The following TMEM178B variants were observed in gnomAD, a reference collection of about 807,000 sequenced individuals.
The protein encoded by TMEM178B is transmembrane protein 178B.
Under a neutral mutation model 31.0 loss-of-function variants are expected in TMEM178B, and 5 were observed. That is an observed-to-expected ratio of 0.16 (90% CI 0.08 to 0.34). TMEM178B has a LOEUF of 0.34. Ranked by LOEUF, TMEM178B falls within the 10% of genes least tolerant of loss-of-function variation. The pLI, the probability that TMEM178B is intolerant of heterozygous loss-of-function variation, is 1.00. For missense variants in TMEM178B, 275 were observed against 400.3 expected (o/e 0.69, Z 2.67); for synonymous variants, 164 against 164.0 (o/e 1.00, Z 0.00).
At chr7:141,308,948 G>A (rs1281716773) in intron 2 of TMEM178B, among the ~76,000 whole-genome samples, 1 of 152,158 alleles carries the variant, frequency 6.6e-6, no homozygotes, top group Admixed American at 6.5e-5. Context: ...AAGCCATGCT[G>A]ATTACTGAGT....
chr7:141,402,509 T>A lies in TMEM178B; in HGVS notation c.497-35099T>A, dbSNP rs186297549. 7.2e-5 allele frequency among the ~76,000 whole-genome samples: 11 copies of A among 152,318 alleles called. No individual in the cohort carries two copies. In the East Asian group the frequency reaches 1.9e-3, roughly 27 times the overall value. On this transcript the variant is annotated intron_variant, in intron 2 of 3. Coordinates refer to ENST00000565468, the MANE Select transcript of TMEM178B (RefSeq NM_001195278.2). ...GCTGTCTCTGGCTGTGCAGCTGGTA[T>A]ACCTCAGCGTGCCAAGCCACCAGCA...
intron 1 of TMEM178B, among the ~76,000 whole-genome samples, chr7:141,106,845 C>T (rs542616880): frequency 9.5e-4 from 144 of 152,344 alleles, no homozygotes; most frequent in African/African-American, 3.3e-3. Flanking sequence ...GTGCCAGGCA[C>T]TGTTCTAGGC....
chr7:141,257,041 C>T (rs117604307), intron 2 of TMEM178B, among the ~76,000 whole-genome samples: 1,646 of 151,962 alleles, frequency 0.011, 14 homozygotes, highest in Non-Finnish European at 0.016. Flanking sequence ...TGAGAGCAGC[C>T]CAACAACTCG....
At chr7:141,360,627 C>T (rs1179546797) in intron 2 of TMEM178B, among the ~76,000 whole-genome samples, 1 of 152,194 alleles carries the variant, frequency 6.6e-6, no homozygotes. Context: ...TGTTTCTTTG[C>T]CCTCACTAAC....
At chr7:141,432,302 C>T (rs1483377375) in intron 2 of TMEM178B, among the ~76,000 whole-genome samples, 1 of 152,034 alleles carries the variant, frequency 6.6e-6, no homozygotes, top group African/African-American at 2.4e-5. Context: ...ATTACCGGGG[C>T]ATGCCACCAT....
At chr7:141,115,735 T>C (rs572464724) in intron 1 of TMEM178B, among the ~76,000 whole-genome samples, 2 of 152,326 alleles carry the variant, frequency 1.3e-5, no homozygotes, top group South Asian at 4.1e-4. Context: ...AAGAGTGACC[T>C]TTCCAAGGGC....
At chr7:141,508,672 G>A in the TMEM178B span, among the ~76,000 whole-genome samples, 45 of 151,154 alleles carry the variant, frequency 3.0e-4, no homozygotes, top group Non-Finnish European at 6.0e-4. Flanking sequence ...CTTCTTACAT[G>A]GTGGCAGCAA....
chr7:141,136,492 A>G (rs1586789341), intron 1 of TMEM178B, among the ~76,000 whole-genome samples: 1 of 152,242 alleles, frequency 6.6e-6, no homozygotes, highest in Admixed American at 6.5e-5. Context: ...CTTCAAAAGC[A>G]TATGCAACAA....
At chr7:141,379,757 ATC>A (rs1800281775) in intron 2 of TMEM178B, among the ~76,000 whole-genome samples, 1 of 152,154 alleles carries the variant, frequency 6.6e-6, no homozygotes, top group Admixed American at 6.5e-5. Context: ...TTTTCCTTCC[ATC>A]TCTCTCATCC....
chr7:141,336,726 A>G (rs78164683), intron 2 of TMEM178B, among the ~76,000 whole-genome samples: 5,087 of 151,416 alleles, frequency 0.034, 99 homozygotes, highest in South Asian at 0.079. Flanking sequence ...AACTCTTACT[A>G]CCATCACTTC....
intron 2 of TMEM178B, among the ~76,000 whole-genome samples, chr7:141,278,191 A>G (rs1282265250): frequency 6.6e-6 from 1 of 152,232 alleles, no homozygotes; most frequent in Non-Finnish European, 1.5e-5. Context: ...AAGCTTCAGA[A>G]TGAAGGCTTT....
At chr7:141,464,266 G>A (rs904203220) in intron 3 of TMEM178B, among the ~76,000 whole-genome samples, 4 of 152,044 alleles carry the variant, frequency 2.6e-5, no homozygotes, top group African/African-American at 4.8e-5. Flanking sequence ...AACCCTCCCC[G>A]ACCTAGCATT....
At position 141,161,619 on chromosome 7, in the gene TMEM178B, G is replaced by C. The variant is rs189790965; in HGVS notation, c.383-50972G>C. Among the ~76,000 whole-genome samples the C allele has an allele frequency of 3.7e-3, 559 of 152,270 alleles. 4 individuals are homozygous for C. Among genetic ancestry groups the C allele is most frequent in the African/African-American group, 0.013 (529 of 41,548 alleles). On this transcript the variant is annotated intron_variant, in intron 1 of 3. Coordinates refer to ENST00000565468, the MANE Select transcript of TMEM178B (RefSeq NM_001195278.2). Reference sequence around the variant, plus strand: ...AGGGACTGGCAGCAGTGGTCCCCCAGATCCAGAGGCTCTTCCAGGGGAACA... The same window carrying C: ...AGGGACTGGCAGCAGTGGTCCCCCACATCCAGAGGCTCTTCCAGGGGAACA...
intron 1 of TMEM178B, among the ~76,000 whole-genome samples, chr7:141,205,014 CG>C (rs1375833131): frequency 6.6e-6 from 1 of 151,890 alleles, no homozygotes; most frequent in Non-Finnish European, 1.5e-5. Flanking sequence ...TTTATAGAGA[CG>C]GGGTCTCACT....
intron 2 of TMEM178B, among the ~76,000 whole-genome samples, chr7:141,405,849 G>A (rs1035980170): frequency 2.7e-4 from 41 of 152,188 alleles, no homozygotes; most frequent in African/African-American, 9.7e-4. Context: ...CTGGTGTCAC[G>A]AAGTAGCTGT....
In TMEM178B at chr7:141,344,610, T is replaced by TCCTTCCTTCCTC. The variant is rs1563157489; in HGVS notation, c.497-92987_497-92986insCCCTTCCTTCCT. On this transcript the variant is annotated intron_variant, in intron 2 of 3. Transcript: ENST00000565468. This position sits in a 1 kb window ranked among gnomAD's most constrained non-coding sequence, Gnocchi z 4.1. ...TTCCTTCCTTCCTTCCTTCCTTCCT[T>TCCTTCCTTCCTC]CCTTCCTTCCTTCCTTCCTCCCTTC... is the stretch of plus-strand genomic sequence containing the variant. Among the ~76,000 whole-genome samples the TCCTTCCTTCCTC allele has an allele frequency of 1.1e-3, 155 of 138,448 alleles. 1 individual carries two copies. Among genetic ancestry groups the TCCTTCCTTCCTC allele is most frequent in the African/African-American group, 4.0e-3 (147 of 37,132 alleles). 90.8% of individuals were successfully genotyped at this position (138,448 alleles called of 152,430 possible).
At chr7:141,144,708 T>C (rs1308422292) in intron 1 of TMEM178B, among the ~76,000 whole-genome samples, 2 of 151,570 alleles carry the variant, frequency 1.3e-5, no homozygotes, top group African/African-American at 4.9e-5. Context: ...GGGGCAGAGG[T>C]AGGGTAAGCT....
At chr7:141,254,647 G>C (rs1391416399) in intron 2 of TMEM178B, among the ~76,000 whole-genome samples, 1 of 152,174 alleles carries the variant, frequency 6.6e-6, no homozygotes, top group Non-Finnish European at 1.5e-5. Context: ...GAACCCGGGG[G>C]AGGGCAGAGG....
At chr7:141,407,960 T>C (rs1185362978) in intron 2 of TMEM178B, among the ~76,000 whole-genome samples, 5 of 152,174 alleles carry the variant, frequency 3.3e-5, no homozygotes, top group Admixed American at 3.3e-4. Context: ...TTGATACACA[T>C]GCCAACCCCA....
Sources: gnomAD v4.1 joint callset for allele counts (sites outside exome capture counted in the v4.1 genomes callset) on GRCh38, gnomAD v4.1.1 for gene constraint, Gnocchi (gnomAD v3.1) non-coding constraint, MANE v1.5 for transcripts, NCBI Gene and HGNC (gene_info 2026-07-23, HGNC 2026-07-21) for gene names.